LTBP1: variants seen among roughly 807,000 people sequenced by gnomAD.
LTBP1 encodes latent-transforming growth factor beta-binding protein 1.
A neutral mutation model predicts 207.6 loss-of-function variants in LTBP1; 129 were observed. That is an observed-to-expected ratio of 0.62 (90% confidence interval 0.54 to 0.72). The LOEUF is 0.72. Ranked by LOEUF, LTBP1 falls within the 30% of genes least tolerant of loss-of-function variation. The probability of loss-of-function intolerance (pLI) is 0.00; values close to 1 mark genes in which losing one functional copy is unlikely to be tolerated. For synonymous variants in LTBP1, 963 were observed against 833.7 expected (o/e 1.16, Z -2.67); for missense variants, 2,281 against 2,217.2 (o/e 1.03, Z -0.58).
Position 33,082,431 on chromosome 2 carries a change from ACTTT to A in LTBP1, c.864-28150_864-28147del, listed in dbSNP as rs1428483448. 9.9e-4 allele frequency among the ~76,000 whole-genome samples: 115 copies of A among 116,034 alleles called. 15 individuals are homozygous for A. The highest frequency in any genetic ancestry group is 3.8e-3 in the South Asian group (14 of 3,666). The allele number at this position is 116,034 out of a possible 152,430, so 76.1% of individuals were successfully genotyped here. A position where few individuals can be genotyped will look rare whatever the true frequency, so the allele number is the denominator to read the frequency against. ...GTTAACCGTGGCTAAAGTATGACTC[ACTTT>A]TTTTTTTTTTTTTTTTTTTTTTTTT... On this transcript the variant is annotated intron_variant, in intron 3 of 33. Coordinates refer to ENST00000404816, the MANE Select transcript of LTBP1 (RefSeq NM_206943.4).
chr2:33,311,237 C>G lies in LTBP1; in HGVS notation c.3604+1681C>G, dbSNP rs533910490. The stretch of plus-strand genomic sequence containing the variant: ...AGGTTTTTAAAAATTAATTCCTTTA[C>G]TGATCCAAAGATTTAAATATACACC... On this transcript the variant is annotated intron_variant, in intron 23 of 33. Coordinates refer to ENST00000404816, the MANE Select transcript of LTBP1 (RefSeq NM_206943.4). Among the ~76,000 whole-genome samples the G allele has an allele frequency of 8.5e-5, 13 of 152,184 alleles. 1 individual carries two copies. The highest frequency in any genetic ancestry group is 3.1e-4 in the African/African-American group (13 of 41,540).
At chr2:33,354,041 T>G (rs2094821142) in intron 26 of LTBP1, among the ~76,000 whole-genome samples, 1 of 152,056 alleles carries the variant, frequency 6.6e-6, no homozygotes, top group Non-Finnish European at 1.5e-5. Context: ...GTTTTTGTAT[T>G]TTTAGTAGAG....
intron 2 of LTBP1, among the ~76,000 whole-genome samples, chr2:33,007,986 G>A (rs1558506119): frequency 1.3e-5 from 2 of 152,182 alleles, no homozygotes; most frequent in Admixed American, 1.3e-4. Flanking sequence ...TCTGGCTTTA[G>A]CCACTATATG....
chr2:33,112,295 C>T (rs890287456), intron 4 of LTBP1, among the ~76,000 whole-genome samples: 10 of 152,136 alleles, frequency 6.6e-5, no homozygotes, highest in African/African-American at 2.4e-4. Flanking sequence ...TGTATTTCCA[C>T]CCTCGTGTGT....
At chr2:32,988,600 T>C (rs1361259451) in intron 2 of LTBP1, among the ~76,000 whole-genome samples, 7 of 152,236 alleles carry the variant, frequency 4.6e-5, no homozygotes, top group African/African-American at 1.4e-4. Context: ...AATCTATTCT[T>C]AGAGTTCACA....
At chr2:32,962,430 G>A (rs1380551674) in intron 2 of LTBP1, among the ~76,000 whole-genome samples, 2 of 152,170 alleles carry the variant, frequency 1.3e-5, no homozygotes, top group Non-Finnish European at 2.9e-5. Context: ...GGTAGAGACT[G>A]TTTTTGTTTT....
rs1164630812 is a variant in LTBP1 at position 33,257,395 on chromosome 2, A to G, written c.2279A>G (p.Lys760Arg). Residue 760 changes from lysine to arginine, a missense_variant, in exon 12 of 34, where the codon AAG (lysine) becomes AGG (arginine). Physicochemically the swap from Lys to Arg is conservative, Grantham distance 26. Coordinates refer to ENST00000404816, the MANE Select transcript of LTBP1 (RefSeq NM_206943.4). ...VGKGPVFVKPKNTQPVAKSTH... is the reference protein window; with the variant it reads ...VGKGPVFVKPRNTQPVAKSTH... Reference sequence around the variant, plus strand: ...AAAGGACCTGTATTTGTCAAGCCAAAGAACACTCAACCTGTTGCTAAAAGT... The same window carrying G: ...AAAGGACCTGTATTTGTCAAGCCAAGGAACACTCAACCTGTTGCTAAAAGT... 6.2e-7 allele frequency: 1 copy of G among 1,614,232 alleles called. No homozygotes were observed. The highest frequency in any genetic ancestry group is 1.7e-5 in the Admixed American group (1 of 60,034).
At chr2:33,312,047 G>C (rs1189156671) in intron 23 of LTBP1, among the ~76,000 whole-genome samples, 1 of 152,150 alleles carries the variant, frequency 6.6e-6, no homozygotes, top group Non-Finnish European at 1.5e-5. Flanking sequence ...AGCTGTATAT[G>C]ATGGCATGTA....
chr2:33,107,776 G>A (rs950922962), intron 3 of LTBP1, among the ~76,000 whole-genome samples: 11 of 152,262 alleles, frequency 7.2e-5, no homozygotes, highest in South Asian at 2.1e-4. Context: ...GGGTGCCCCC[G>A]CCAACCACTT....
intron 13 of LTBP1, among the ~76,000 whole-genome samples, chr2:33,261,845 T>G (rs1002761793): frequency 2.0e-5 from 3 of 152,158 alleles, no homozygotes; most frequent in Non-Finnish European, 4.4e-5. Flanking sequence ...TAGGTGATAC[T>G]TGAAGCCAGG....
intron 2 of LTBP1, among the ~76,000 whole-genome samples, chr2:32,951,951 G>A (rs965435435): frequency 6.6e-6 from 1 of 152,106 alleles, no homozygotes; most frequent in Non-Finnish European, 1.5e-5. Flanking sequence ...CCTTATAATA[G>A]TCATCATAAA....
intron 3 of LTBP1, among the ~76,000 whole-genome samples, chr2:33,025,470 G>A (rs942367854): frequency 3.9e-5 from 6 of 152,138 alleles, no homozygotes; most frequent in Admixed American, 2.6e-4. Context: ...AGGACGCCTC[G>A]TAGCTTAAAC....
intron 31 of LTBP1, among the ~76,000 whole-genome samples, chr2:33,367,897 A>G (rs1465790063): frequency 1.3e-5 from 2 of 152,208 alleles, no homozygotes; most frequent in Non-Finnish European, 2.9e-5. Flanking sequence ...TCTATAAAAC[A>G]GATTCCATGC....
chr2:32,960,591 G>A (rs1678942515), intron 2 of LTBP1, among the ~76,000 whole-genome samples: 2 of 152,112 alleles, frequency 1.3e-5, no homozygotes, highest in Admixed American at 6.5e-5. Context: ...AATGAATGTT[G>A]TATGATTTTT....
At chr2:33,304,614 G>T (rs1490968214) in intron 22 of LTBP1, among the ~76,000 whole-genome samples, 1 of 152,188 alleles carries the variant, frequency 6.6e-6, no homozygotes, top group Admixed American at 6.5e-5. Context: ...ATTCTTAGGA[G>T]TCTGGAGCAT....
At chr2:33,080,461 T>G (rs974249695) in intron 3 of LTBP1, among the ~76,000 whole-genome samples, 1 of 152,202 alleles carries the variant, frequency 6.6e-6, no homozygotes, top group African/African-American at 2.4e-5. Context: ...GTTCTTCTTT[T>G]TATAATATCT....
intron 3 of LTBP1, among the ~76,000 whole-genome samples, chr2:33,087,065 A>G (rs2149965164): frequency 7.4e-6 from 1 of 135,976 alleles, no homozygotes; most frequent in African/African-American, 2.7e-5. Context: ...CAGAAGCACC[A>G]GGCTGTCCCT....
intron 16 of LTBP1, 73 bp from the exon 17 acceptor site, chr2:33,274,892 G>A (rs1366737356): frequency 2.0e-6 from 3 of 1,463,934 alleles, no homozygotes; most frequent in African/African-American, 2.8e-5. Flanking sequence ...TAGTATGATG[G>A]TATTTTACAG....
intron 31 of LTBP1, 34 bp from the exon 32 acceptor site, chr2:33,389,147 CAGT>C (rs780038919): frequency 3.1e-5 from 50 of 1,613,206 alleles, no homozygotes; most frequent in Non-Finnish European, 4.2e-5. Context: ...TGCGAGCTAA[CAGT>C]GGTGGGGCCT....
Sources: allele counts gnomAD v4.1 joint callset (sites outside exome capture counted in the v4.1 genomes callset), GRCh38; gene constraint gnomAD v4.1.1; transcripts MANE v1.5; gene names NCBI Gene and HGNC (gene_info 2026-07-23, HGNC 2026-07-21).